AFDN: variants seen among roughly 807,000 people sequenced by gnomAD.
AFDN encodes afadin, adherens junction formation factor.
A neutral mutation model predicts 216.6 loss-of-function variants in AFDN; 68 were observed. The observed-to-expected ratio is 0.31, with a 90% CI of 0.26 to 0.38. The LOEUF (loss-of-function observed/expected upper bound fraction) is 0.38, where lower values mean the gene tolerates loss of function less well. AFDN is among the 10% of genes least tolerant of loss of function. The pLI, the probability that AFDN is intolerant of heterozygous loss-of-function variation, is 1.00. For synonymous variants in AFDN, 868 were observed against 853.7 expected, an observed-to-expected ratio of 1.02 and a Z score of -0.29; for missense variants, 2,136 against 2,342.0, an observed-to-expected ratio of 0.91 and a Z score of 1.82.
chr6:167,836,534 TA>T (rs200763003), intron 1 of AFDN, among the ~76,000 whole-genome samples: 2 of 152,272 alleles, frequency 1.3e-5, no homozygotes, highest in South Asian at 2.1e-4. Flanking sequence ...GTGGATATAT[TA>T]AAAAAATACG....
intron 1 of AFDN, among the ~76,000 whole-genome samples, chr6:167,862,377 T>C (rs1355293038): frequency 6.6e-6 from 1 of 151,310 alleles, no homozygotes; most frequent in Non-Finnish European, 1.5e-5. Flanking sequence ...GTTATAAAGG[T>C]TTGGTTTTTT....
intron 23 of AFDN, 66 bp from the exon 24 acceptor site, chr6:167,943,063 T>C: frequency 7.2e-7 from 1 of 1,381,292 alleles, no homozygotes; most frequent in Admixed American, 1.9e-5. Flanking sequence ...TTGTTTTACT[T>C]TCCTGCATAG....
At chr6:167,885,796 A>G (rs1376425000) in intron 6 of AFDN, among the ~76,000 whole-genome samples, 2 of 152,246 alleles carry the variant, frequency 1.3e-5, no homozygotes, top group African/African-American at 4.8e-5. Context: ...TAAAAGAGCA[A>G]TATCCGTGAG....
At position 167,922,888 on chromosome 6, in the gene AFDN, C is replaced by G; in HGVS notation, c.2941C>G (p.Pro981Ala). ...FCRLIPHTRS[P>A]GTWTIYFEGA... ...CAGGTTAATTCCTCACACACGTTCA[C>G]CAGGTACTTGGACAATATATTTTGA... The change falls in exon 22 of 34, where the codon CCA becomes GCA. Residue 981 changes from proline (P) to alanine (A), a missense_variant. This residue lies in a region of AFDN where 162 missense variants were observed against 182.6 expected (regional missense o/e 0.89). Coordinates refer to ENST00000683244, the MANE Select transcript of AFDN (RefSeq NM_001386888.1). 1 of 1,613,002 alleles carries G rather than the reference C, an allele frequency of 6.2e-7. No homozygotes were observed. The highest frequency in any genetic ancestry group is 1.7e-4 in the Middle Eastern group (1 of 6,056).
rs368870008 is a variant in AFDN at position 167,879,540 on chromosome 6, C to A, written c.740-820C>A. 1.3e-4 allele frequency among the ~76,000 whole-genome samples: 20 copies of A among 152,252 alleles called. No homozygotes were observed. In the South Asian group the frequency reaches 3.9e-3, roughly 30 times the overall value. On this transcript the variant is annotated intron_variant, in intron 5 of 33. Coordinates refer to ENST00000683244, the MANE Select transcript of AFDN (RefSeq NM_001386888.1). ...TGTGGAACCTATCTTAATTTCTTCC[C>A]TCAGTATCCTTCCATCTGGACTTCA... is the stretch of plus-strand genomic sequence containing the variant.
At chr6:167,826,893 G>A (rs1167462375), upstream of AFDN, 1 of 144,802 alleles carries the variant, frequency 6.9e-6, no homozygotes, top group South Asian at 2.1e-4. Context: ...TGCGGGCGGC[G>A]GGCGGCGGGC....
intron 11 of AFDN, among the ~76,000 whole-genome samples, chr6:167,900,718 G>A (rs952080775): frequency 6.6e-6 from 1 of 152,186 alleles, no homozygotes; most frequent in African/African-American, 2.4e-5. Flanking sequence ...AGGAAGTTAG[G>A]GGTGGACACT....
chr6:167,915,487 TC>T, intron 19 of AFDN, 54 bp downstream of exon 19: 1 of 1,538,388 alleles, frequency 6.5e-7, no homozygotes, highest in East Asian at 2.3e-5. Flanking sequence ...AGGCATCTGA[TC>T]TTTATGATGA....
chr6:167,846,736 A>G (rs1323922409), intron 1 of AFDN, among the ~76,000 whole-genome samples: 2 of 125,684 alleles, frequency 1.6e-5, no homozygotes, highest in Admixed American at 8.5e-5. Context: ...TTTTCAATGT[A>G]TCTTAGAGAA....
chr6:167,969,943 TGAG>T lies in AFDN; in HGVS notation c.*12_*14del, dbSNP rs577091872. ...GAACTGAACACAAAGTGAAAGAAAATGAGGAGAACACTTTGTATTTACCCCAAA... is the reference window on the plus strand; with the variant it reads ...GAACTGAACACAAAGTGAAAGAAAATGAGAACACTTTGTATTTACCCCAAA... On this transcript the variant is annotated 3_prime_UTR_variant, in exon 34 of 34. Coordinates refer to ENST00000683244, the MANE Select transcript of AFDN (RefSeq NM_001386888.1). 396 of 1,601,102 alleles carry T rather than the reference TGAG, an allele frequency of 2.5e-4. 2 individuals carry two copies. The African/African-American group carries it at 4.3e-3, about 17-fold the overall frequency.
chr6:167,886,716 G>A lies in AFDN; in HGVS notation c.898-2499G>A, dbSNP rs142280766. ...GTAACTGCTGTACAAAGTTTTCTAA[G>A]TCAGAATACTATTAGTAAAACAGCA... On this transcript the variant is annotated intron_variant, in intron 6 of 33. Transcript: ENST00000683244. Among the ~76,000 whole-genome samples, 599 of 152,290 alleles carry A rather than the reference G, an allele frequency of 3.9e-3. 4 individuals are homozygous for A. Among genetic ancestry groups the A allele is most frequent in the African/African-American group, 0.014 (577 of 41,574 alleles).
chr6:167,956,087 C>A, intron 30 of AFDN, among the ~76,000 whole-genome samples: 1 of 126,714 alleles, frequency 7.9e-6, no homozygotes, highest in East Asian at 2.9e-4. Context: ...TGCACTCCAG[C>A]CTGGGGAACA....
At chr6:167,855,213 A>C (rs1332898818) in intron 1 of AFDN, among the ~76,000 whole-genome samples, 2 of 152,068 alleles carry the variant, frequency 1.3e-5, no homozygotes, top group Non-Finnish European at 2.9e-5. Context: ...TCTTTTTTAA[A>C]ACTATTAAAA....
At chr6:167,876,952 G>A (rs1011846817) in intron 5 of AFDN, among the ~76,000 whole-genome samples, 10 of 152,140 alleles carry the variant, frequency 6.6e-5, no homozygotes, top group African/African-American at 2.2e-4. Flanking sequence ...TGTAGCCTAA[G>A]CTTTATATCT....
chr6:167,862,498 C>T (rs1783705019), intron 1 of AFDN, among the ~76,000 whole-genome samples: 1 of 152,100 alleles, frequency 6.6e-6, no homozygotes, highest in Non-Finnish European at 1.5e-5. Context: ...GCCTCAGCCT[C>T]CTGAGTAGCT....
intron 1 of AFDN, among the ~76,000 whole-genome samples, chr6:167,850,084 A>G (rs1782131723): frequency 6.6e-6 from 1 of 152,236 alleles, no homozygotes; most frequent in African/African-American, 2.4e-5. Context: ...GGCACCAAAT[A>G]TGCAGTTCAA....
At chr6:167,901,057 A>C (rs1298835427) in intron 11 of AFDN, among the ~76,000 whole-genome samples, 1 of 152,138 alleles carries the variant, frequency 6.6e-6, no homozygotes, top group Non-Finnish European at 1.5e-5. Flanking sequence ...GATAGAGGAG[A>C]AATTTGTACC....
At chr6:167,948,546 A>G (rs1795605991) in intron 29 of AFDN, 68 bp downstream of exon 29, 1 of 1,432,562 alleles carries the variant, frequency 7.0e-7, no homozygotes. Flanking sequence ...TCTGAGACAC[A>G]ATTAATATTT....
At chr6:167,928,839 A>G (rs1333219389) in intron 23 of AFDN, among the ~76,000 whole-genome samples, 1 of 152,210 alleles carries the variant, frequency 6.6e-6, no homozygotes, top group East Asian at 1.9e-4. Flanking sequence ...GAGCTGCTGT[A>G]TGTCCTCTTT....
Sources: gnomAD v4.1 joint callset for allele counts (sites outside exome capture counted in the v4.1 genomes callset) on GRCh38, gnomAD v4.1.1 for gene constraint, gnomAD v4.1.1 regional missense constraint, MANE v1.5 for transcripts, NCBI Gene and HGNC (gene_info 2026-07-23, HGNC 2026-07-21) for gene names.